The following GMDS variants were observed in gnomAD, a reference collection of about 807,000 sequenced individuals.
GMDS encodes the protein GDP-mannose 4,6 dehydratase.
In GMDS, 20 loss-of-function variants were observed where a neutral mutation model predicts 49.9. The ratio of observed to expected loss-of-function variants is 0.40; its 90% CI spans 0.28 to 0.58. GMDS has a LOEUF of 0.58. Ranked by LOEUF, GMDS falls within the 20% of genes least tolerant of loss-of-function variation. GMDS has a pLI of 0.42. For synonymous variants in GMDS, 177 were observed against 178.6 expected, an observed-to-expected ratio of 0.99 and a Z score of 0.07; for missense variants, 362 against 481.4, an observed-to-expected ratio of 0.75 and a Z score of 2.32.
chr6:1,998,247 C>T (rs1177198843), intron 4 of GMDS, among the ~76,000 whole-genome samples: 9 of 152,114 alleles, frequency 5.9e-5, no homozygotes, highest in African/African-American at 1.9e-4. Context: ...ATCAACCTAA[C>T]GAAAAACTTC....
chr6:2,091,624 C>T (rs1171654556), intron 4 of GMDS, among the ~76,000 whole-genome samples: 2 of 152,142 alleles, frequency 1.3e-5, no homozygotes, highest in African/African-American at 4.8e-5. Context: ...ATGTGCTTGG[C>T]AGATAAGAAT....
intron 8 of GMDS, among the ~76,000 whole-genome samples, chr6:1,731,510 C>T (rs1766806404): frequency 6.6e-6 from 1 of 152,100 alleles, no homozygotes; most frequent in South Asian, 2.1e-4. Context: ...CTCTTGGTTT[C>T]CCATGGTGAT....
intron 4 of GMDS, among the ~76,000 whole-genome samples, chr6:2,090,947 C>T (rs1339534227): frequency 6.6e-6 from 1 of 152,206 alleles, no homozygotes; most frequent in African/African-American, 2.4e-5. Context: ...TAAAAGCACA[C>T]TTTATGTACT....
intron 4 of GMDS, among the ~76,000 whole-genome samples, chr6:2,105,099 G>A (rs554721976): frequency 2.7e-5 from 4 of 150,150 alleles, no homozygotes; most frequent in African/African-American, 4.9e-5. Flanking sequence ...GGAGAATGGC[G>A]TGAACCCGGG....
At chr6:2,049,763 T>C (rs751958183) in intron 4 of GMDS, among the ~76,000 whole-genome samples, 3 of 152,212 alleles carry the variant, frequency 2.0e-5, no homozygotes, top group Non-Finnish European at 2.9e-5. Context: ...CTGAACAACC[T>C]GCTCCTGAAT....
chr6:2,166,498 A>C (rs1456148493), intron 1 of GMDS, among the ~76,000 whole-genome samples: 1 of 152,224 alleles, frequency 6.6e-6, no homozygotes, highest in Non-Finnish European at 1.5e-5. Context: ...AGTTCAAGTA[A>C]ATTACACAAG....
intron 7 of GMDS, among the ~76,000 whole-genome samples, chr6:1,752,920 C>T (rs561075660): frequency 1.3e-5 from 2 of 152,222 alleles, no homozygotes; most frequent in Non-Finnish European, 2.9e-5. Context: ...GTACCATCCA[C>T]TGCAAAAACA....
intron 4 of GMDS, among the ~76,000 whole-genome samples, chr6:2,045,630 T>C (rs1428530969): frequency 6.6e-6 from 1 of 152,136 alleles, no homozygotes; most frequent in Non-Finnish European, 1.5e-5. Flanking sequence ...TGCTTGTTTC[T>C]ACAAGAGGTA....
chr6:2,072,060 C>T (rs1277206153), intron 4 of GMDS, among the ~76,000 whole-genome samples: 1 of 151,966 alleles, frequency 6.6e-6, no homozygotes, highest in East Asian at 1.9e-4. Context: ...CAGGCAGGGG[C>T]GTGTGTGCAT....
At chr6:1,885,466 G>C (rs966342710) in intron 7 of GMDS, among the ~76,000 whole-genome samples, 5 of 152,168 alleles carry the variant, frequency 3.3e-5, no homozygotes, top group African/African-American at 1.2e-4. Flanking sequence ...GGAAGAGTAG[G>C]AGAAACCATG....
At chr6:1,784,128 T>C (rs1435305125) in intron 7 of GMDS, among the ~76,000 whole-genome samples, 3 of 152,144 alleles carry the variant, frequency 2.0e-5, no homozygotes, top group Admixed American at 6.5e-5. Flanking sequence ...TTTTTGTCCA[T>C]TTAAAAAGAT....
chr6:1,758,393 C>T (rs1768033602), intron 7 of GMDS, among the ~76,000 whole-genome samples: 1 of 152,166 alleles, frequency 6.6e-6, no homozygotes, highest in African/African-American at 2.4e-5. Flanking sequence ...CTGCCTGCCT[C>T]ATCCATCCAC....
chr6:1,713,066 A>C (rs1561750033), intron 9 of GMDS, among the ~76,000 whole-genome samples: 1 of 152,212 alleles, frequency 6.6e-6, no homozygotes, highest in Non-Finnish European at 1.5e-5. Flanking sequence ...ACTATGTAGA[A>C]TCCAGCCACG....
intron 1 of GMDS, among the ~76,000 whole-genome samples, chr6:2,225,286 C>T (rs554572938): frequency 1.3e-5 from 2 of 152,190 alleles, no homozygotes; most frequent in South Asian, 4.2e-4. Context: ...GCCAAGACTG[C>T]ACCACCGCAC....
intron 1 of GMDS, among the ~76,000 whole-genome samples, chr6:2,219,131 C>T (rs756637643): frequency 5.3e-5 from 8 of 152,180 alleles, no homozygotes; most frequent in Non-Finnish European, 8.8e-5. Flanking sequence ...GGCAACAGGT[C>T]GGTCCTCTGA....
At chr6:1,913,700 T>A (rs1288117879) in intron 7 of GMDS, among the ~76,000 whole-genome samples, 1 of 152,132 alleles carries the variant, frequency 6.6e-6, no homozygotes, top group Non-Finnish European at 1.5e-5. Flanking sequence ...AGACCACCAG[T>A]GAAACAGCAC....
chr6:1,857,543 C>T (rs1279174429), intron 7 of GMDS, among the ~76,000 whole-genome samples: 1 of 152,116 alleles, frequency 6.6e-6, no homozygotes, highest in African/African-American at 2.4e-5. Context: ...GGAAAGTGCC[C>T]TTAAACTTAT....
intron 4 of GMDS, among the ~76,000 whole-genome samples, chr6:1,973,311 C>T (rs1289147408): frequency 6.6e-6 from 1 of 152,160 alleles, no homozygotes; most frequent in East Asian, 1.9e-4. Context: ...CTTTTGAATG[C>T]ATTTTGTAAT....
intron 4 of GMDS, among the ~76,000 whole-genome samples, chr6:2,098,009 G>GAA (rs59289927): frequency 5.2e-5 from 7 of 134,648 alleles, no homozygotes; most frequent in Admixed American, 7.4e-5. Flanking sequence ...TATGTTTTAA[G>GAA]AAAAAAAAAA....
Sources: allele counts gnomAD v4.1 joint callset (sites outside exome capture counted in the v4.1 genomes callset), GRCh38; gene constraint gnomAD v4.1.1; transcripts MANE v1.5; gene names NCBI Gene and HGNC (gene_info 2026-07-23, HGNC 2026-07-21).